The following SGCD variants were observed in gnomAD, a reference collection of about 807,000 sequenced individuals.
SGCD encodes sarcoglycan delta.
A neutral mutation model predicts 36.6 loss-of-function variants in SGCD; 18 were observed. That is an observed-to-expected ratio of 0.49 (90% CI 0.34 to 0.73). The LOEUF is 0.73. SGCD is among the 30% of genes least tolerant of loss of function. The pLI, the probability that SGCD is intolerant of heterozygous loss-of-function variation, is 0.01. For missense variants in SGCD, 387 were observed against 346.7 expected (o/e 1.12, Z -0.92); for synonymous variants, 133 against 130.6 (o/e 1.02, Z -0.12).
intron 1 of SGCD, among the ~76,000 whole-genome samples, chr5:155,956,109 G>GT (rs751766262): frequency 0.093 from 10,829 of 116,638 alleles, 536 homozygotes; most frequent in Non-Finnish European, 0.13. Context: ...TGCTCTTCTT[G>GT]TTTTTTTTTT....
intron 3 of SGCD, among the ~76,000 whole-genome samples, chr5:156,211,333 C>T (rs139685661): frequency 1.1e-3 from 160 of 152,206 alleles, no homozygotes; most frequent in African/African-American, 2.9e-3. Flanking sequence ...AAGGGCCAGG[C>T]GCGGTGGCTC....
the SGCD span, among the ~76,000 whole-genome samples, chr5:155,845,194 C>A: frequency 6.6e-6 from 1 of 152,110 alleles, no homozygotes; most frequent in African/African-American, 2.4e-5. Context: ...ATGGGTTTGC[C>A]TACCTTTCAT....
chr5:156,344,505 A>G lies in SGCD; in HGVS notation c.20A>G (p.Tyr7Cys), dbSNP rs1171173178. The G allele has an allele frequency of 6.2e-7, 1 of 1,603,764 alleles. No homozygotes were observed. MMPQEQ[Y>C]THHRSTMPGS... ...TTATTTCAGATGCCTCAGGAGCAGT[A>G]CACTCACCACCGGAGCACCATGCCT... is the stretch of plus-strand genomic sequence containing the variant. The change falls in exon 3 of 9, where the codon TAC becomes TGC. Residue 7 changes from tyrosine to cysteine, a missense_variant. By Grantham distance (194) the Tyr-to-Cys change is radical. Transcript: ENST00000337851.
At chr5:155,918,092 TA>T (rs879627161) in intron 1 of SGCD, among the ~76,000 whole-genome samples, 1 of 152,234 alleles carries the variant, frequency 6.6e-6, no homozygotes, top group Admixed American at 6.5e-5. Context: ...ATTTCTTATT[TA>T]GTTGATTCTT....
At chr5:156,750,920 C>G (rs772545524) in intron 7 of SGCD, among the ~76,000 whole-genome samples, 1 of 152,072 alleles carries the variant, frequency 6.6e-6, no homozygotes, top group African/African-American at 2.4e-5. Context: ...TGAAATACAT[C>G]AAATAAAACA....
chr5:156,591,905 T>C (rs1353426858), intron 5 of SGCD, among the ~76,000 whole-genome samples: 1 of 152,148 alleles, frequency 6.6e-6, no homozygotes, highest in Non-Finnish European at 1.5e-5. Flanking sequence ...GAGCCAGCAG[T>C]TGCTCTGTGG....
upstream of SGCD, among the ~76,000 whole-genome samples, chr5:156,322,829 C>A (rs1767706713): frequency 6.6e-6 from 1 of 152,158 alleles, no homozygotes; most frequent in South Asian, 2.1e-4. Flanking sequence ...TGCTGCTGTT[C>A]CCTTTTAGGC....
Position 156,070,091 on chromosome 5 carries a change from C to T in SGCD, c.-281-47787C>T, listed in dbSNP as rs549869772. On this transcript the variant is annotated intron_variant, in intron 1 of 9. Coordinates refer to the SGCD transcript ENST00000517913. ...TCATCTGCAAACAGGGACAATTTGA[C>T]TTCCTCTTTTCCTAATTGGATACCC... Among the ~76,000 whole-genome samples, 60 of 150,550 alleles carry T rather than the reference C, an allele frequency of 4.0e-4. 1 individual carries two copies. The highest frequency in any genetic ancestry group is 1.4e-3 in the African/African-American group (55 of 39,866).
At chr5:156,509,267 A>T (rs1201272814) in intron 4 of SGCD, among the ~76,000 whole-genome samples, 1 of 152,108 alleles carries the variant, frequency 6.6e-6, no homozygotes, top group African/African-American at 2.4e-5. Flanking sequence ...TCTACTAAAA[A>T]TGCAAAAATT....
At chr5:156,516,080 T>C (rs1229157225) in intron 4 of SGCD, among the ~76,000 whole-genome samples, 1 of 152,198 alleles carries the variant, frequency 6.6e-6, no homozygotes, top group East Asian at 1.9e-4. Flanking sequence ...GTAGTTAGTC[T>C]TTCCTGCCTG....
chr5:156,042,593 AT>A (rs1759664940), intron 1 of SGCD, among the ~76,000 whole-genome samples: 1 of 152,132 alleles, frequency 6.6e-6, no homozygotes, highest in African/African-American at 2.4e-5. Flanking sequence ...GATAGTTTTG[AT>A]GGGCCTGGAA....
rs111786881 is a variant in SGCD, at chr5:155,952,516, T to G, written c.-282+82092T>G. ...CTCCACTTGTCAATGTCTGCCTTGG[T>G]CTTGCTGGTCCAAAAGACGTACCCT... On this transcript the variant is annotated intron_variant, in intron 1 of 9. Transcript: ENST00000517913. Among the ~76,000 whole-genome samples the G allele has an allele frequency of 1.9e-3, 285 of 152,228 alleles. 2 individuals carry two copies. The highest frequency in any genetic ancestry group is 2.8e-3 in the Non-Finnish European group (190 of 68,008).
chr5:156,581,137 G>A (rs910861658), intron 4 of SGCD, among the ~76,000 whole-genome samples: 1 of 152,132 alleles, frequency 6.6e-6, no homozygotes, highest in Admixed American at 6.5e-5. Flanking sequence ...CTGTTTGTTA[G>A]TTTTCCTTCT....
chr5:156,447,822 G>A (rs1753809951), intron 3 of SGCD, among the ~76,000 whole-genome samples: 2 of 152,098 alleles, frequency 1.3e-5, no homozygotes, highest in Non-Finnish European at 2.9e-5. Flanking sequence ...AAAAGTCATA[G>A]CAATCATTAC....
At chr5:156,281,382 C>T (rs1002195817) in intron 3 of SGCD, among the ~76,000 whole-genome samples, 1 of 152,074 alleles carries the variant, frequency 6.6e-6, no homozygotes, top group African/African-American at 2.4e-5. Flanking sequence ...CAAGGAATGA[C>T]GATCCCAGGA....
chr5:156,672,035 G>A (rs1753317731), intron 7 of SGCD, among the ~76,000 whole-genome samples: 1 of 152,074 alleles, frequency 6.6e-6, no homozygotes, highest in South Asian at 2.1e-4. Context: ...CCTCCTCTAG[G>A]CCCTGCCTCC....
At chr5:156,560,905 T>C (rs1364337357) in intron 4 of SGCD, among the ~76,000 whole-genome samples, 1 of 152,200 alleles carries the variant, frequency 6.6e-6, no homozygotes, top group African/African-American at 2.4e-5. Context: ...TCAGTAACTA[T>C]TGACGACATT....
At chr5:156,285,615 A>T (rs2127675127) in intron 3 of SGCD, among the ~76,000 whole-genome samples, 1 of 152,354 alleles carries the variant, frequency 6.6e-6, no homozygotes, top group Non-Finnish European at 1.5e-5. Context: ...AAAACTGGCT[A>T]GCCATATGTA....
At chr5:156,724,943 G>T (rs916341887) in intron 7 of SGCD, among the ~76,000 whole-genome samples, 36 of 152,180 alleles carry the variant, frequency 2.4e-4, no homozygotes, top group Non-Finnish European at 8.8e-5. Context: ...AAAATATAAT[G>T]TAAGATGATT....
Sources: gnomAD v4.1 joint callset for allele counts (sites outside exome capture counted in the v4.1 genomes callset) on GRCh38, gnomAD v4.1.1 for gene constraint, MANE v1.5 for transcripts, NCBI Gene and HGNC (gene_info 2026-07-23, HGNC 2026-07-21) for gene names.